Variants in IMMP2L observed in about 807,000 individuals in gnomAD.
IMMP2L encodes the protein mitochondrial inner membrane protease subunit 2.
IMMP2L carries 18 observed loss-of-function variants against 19.3 expected under a neutral mutation model. That is an observed-to-expected ratio of 0.93 (90% confidence interval 0.64 to 1.38). The LOEUF is 1.38. IMMP2L is among the 40% of genes most tolerant of loss of function. IMMP2L has a pLI of 0.00. For missense variants in IMMP2L, 233 were observed against 218.2 expected, an observed-to-expected ratio of 1.07 and a Z score of -0.43; for synonymous variants, 76 against 73.0, an observed-to-expected ratio of 1.04 and a Z score of -0.21.
chr7:111,155,476 G>C (rs1240909235), intron 3 of IMMP2L, among the ~76,000 whole-genome samples: 1 of 152,040 alleles, frequency 6.6e-6, no homozygotes, highest in Non-Finnish European at 1.5e-5. Context: ...TGGAACATTA[G>C]AATAGGTGAA....
intron 5 of IMMP2L, among the ~76,000 whole-genome samples, chr7:110,782,947 T>TC (rs924668178): frequency 5.3e-4 from 80 of 151,888 alleles, no homozygotes; most frequent in African/African-American, 1.9e-3. Flanking sequence ...CCCAATAAAA[T>TC]AATGAAGTAA....
At chr7:111,485,677 G>C (rs1030038871) in intron 3 of IMMP2L, among the ~76,000 whole-genome samples, 1 of 139,206 alleles carries the variant, frequency 7.2e-6, no homozygotes, top group Non-Finnish European at 1.5e-5. Flanking sequence ...AATTTGAATA[G>C]AATATTTTTG....
intron 3 of IMMP2L, among the ~76,000 whole-genome samples, chr7:111,325,907 T>C (rs1464359093): frequency 6.6e-6 from 1 of 151,734 alleles, no homozygotes; most frequent in African/African-American, 2.4e-5. Flanking sequence ...AATTTTACTG[T>C]AGTAATAATG....
chr7:110,806,217 G>A (rs756282995), intron 5 of IMMP2L, among the ~76,000 whole-genome samples: 7 of 151,876 alleles, frequency 4.6e-5, no homozygotes, highest in Non-Finnish European at 7.4e-5. Context: ...AAATGTCAGC[G>A]GAAGTCCAAG....
chr7:111,359,616 A>C (rs1187744305), intron 3 of IMMP2L, among the ~76,000 whole-genome samples: 2 of 151,956 alleles, frequency 1.3e-5, no homozygotes, highest in Non-Finnish European at 2.9e-5. Flanking sequence ...CAGGTTCATA[A>C]ACACCACAGA....
At chr7:111,424,329 G>T (rs1835870865) in intron 3 of IMMP2L, among the ~76,000 whole-genome samples, 1 of 151,694 alleles carries the variant, frequency 6.6e-6, no homozygotes, top group South Asian at 2.1e-4. Flanking sequence ...GGGAGAGAAG[G>T]AAGATAGATG....
chr7:111,452,872 T>C (rs973648892), intron 3 of IMMP2L, among the ~76,000 whole-genome samples: 7 of 152,154 alleles, frequency 4.6e-5, no homozygotes, highest in African/African-American at 1.7e-4. Flanking sequence ...AATGTACATA[T>C]TTACTATACC....
intron 4 of IMMP2L, among the ~76,000 whole-genome samples, chr7:110,941,271 A>T (rs983006467): frequency 1.3e-5 from 2 of 152,184 alleles, no homozygotes; most frequent in Non-Finnish European, 2.9e-5. Context: ...CTGAAGCACC[A>T]CAAAGTAACA....
rs1435056952 is a variant in IMMP2L, at chr7:111,277,497, G to A, written c.239+209741C>T. On this transcript the variant is annotated intron_variant, in intron 3 of 5. Coordinates refer to ENST00000405709, the MANE Select transcript of IMMP2L (RefSeq NM_032549.4). ...CAAGAACTGTTTGAACCCAAGAGGC[G>A]GAGGTTGCAGTGAGCCGAGATTACT... Among the ~76,000 whole-genome samples the A allele has an allele frequency of 5.9e-5, 9 of 151,582 alleles. 1 individual carries two copies. Among genetic ancestry groups the A allele is most frequent in the South Asian group, 2.1e-4 (1 of 4,806 alleles).
At chr7:111,558,406 GA>G (rs1278390056) in intron 1 of IMMP2L, among the ~76,000 whole-genome samples, 1 of 152,162 alleles carries the variant, frequency 6.6e-6, no homozygotes. Context: ...GGACTTTGAG[GA>G]AAAATGAAAC....
intron 5 of IMMP2L, among the ~76,000 whole-genome samples, chr7:110,720,088 A>T (rs551100309): frequency 6.6e-6 from 1 of 152,318 alleles, no homozygotes; most frequent in African/African-American, 2.4e-5. Flanking sequence ...AATGTCGGGA[A>T]ATTAGCTGAG....
intron 3 of IMMP2L, among the ~76,000 whole-genome samples, chr7:111,015,025 C>T (rs1339798824): frequency 6.6e-6 from 1 of 152,068 alleles, no homozygotes; most frequent in Non-Finnish European, 1.5e-5. Flanking sequence ...ATTAAAATTA[C>T]CATATGATTC....
intron 3 of IMMP2L, among the ~76,000 whole-genome samples, chr7:110,995,747 G>A (rs1822963257): frequency 1.3e-5 from 2 of 152,078 alleles, no homozygotes; most frequent in African/African-American, 4.8e-5. Context: ...TCAGGCTAAG[G>A]TATGCTACAT....
chr7:110,775,936 T>C (rs892859340), intron 5 of IMMP2L, among the ~76,000 whole-genome samples: 71 of 151,208 alleles, frequency 4.7e-4, no homozygotes, highest in African/African-American at 1.7e-3. Context: ...TTAAAATACA[T>C]GCATAAAATA....
At chr7:111,490,438 C>T (rs988348402) in intron 2 of IMMP2L, among the ~76,000 whole-genome samples, 3 of 151,620 alleles carry the variant, frequency 2.0e-5, no homozygotes, top group African/African-American at 7.3e-5. Flanking sequence ...TTCTTACATC[C>T]GGGTTACCCT....
At chr7:111,018,338 T>G (rs375479232) in intron 3 of IMMP2L, among the ~76,000 whole-genome samples, 1 of 152,178 alleles carries the variant, frequency 6.6e-6, no homozygotes, top group South Asian at 2.1e-4. Flanking sequence ...TAATACTGAT[T>G]GCAAATTGTG....
At chr7:110,811,300 A>G (rs2396279) in intron 5 of IMMP2L, among the ~76,000 whole-genome samples, 129,618 of 152,044 alleles carry the variant, frequency 0.85, 55,773 homozygotes, top group East Asian at 0.98. Context: ...TTTAAAAATC[A>G]CCAATTCTAG....
At chr7:111,417,276 T>G (rs960094559) in intron 3 of IMMP2L, among the ~76,000 whole-genome samples, 4 of 151,814 alleles carry the variant, frequency 2.6e-5, no homozygotes, top group African/African-American at 9.7e-5. Context: ...ATGAAATATC[T>G]TTCTCCACTT....
rs898054698 is a variant in IMMP2L, at chr7:111,210,713, A to C, written c.240-247148T>G. Among the ~76,000 whole-genome samples the C allele has an allele frequency of 2.0e-5, 3 of 152,166 alleles. No homozygotes were observed. In the East Asian group the frequency reaches 5.8e-4, roughly 29 times the overall value. ...CCCTGAAGGGAAGGTATTCAAAAAA[A>C]ACAAAAACTGCTCTTAATACCATGA... On this transcript the variant is annotated intron_variant, in intron 3 of 5. Transcript: ENST00000405709.
Sources: gnomAD v4.1 joint callset for allele counts (sites outside exome capture counted in the v4.1 genomes callset) on GRCh38, gnomAD v4.1.1 for gene constraint, MANE v1.5 for transcripts, NCBI Gene and HGNC (gene_info 2026-07-23, HGNC 2026-07-21) for gene names.